The following HLCS variants were observed in gnomAD, a reference collection of about 807,000 sequenced individuals.
The protein encoded by HLCS is biotin--protein ligase.
HLCS carries 53 observed loss-of-function variants against 75.0 expected under a neutral mutation model. The ratio of observed to expected loss-of-function variants is 0.71; its 90% CI spans 0.57 to 0.89. The LOEUF (loss-of-function observed/expected upper bound fraction) is 0.89, where lower values mean the gene tolerates loss of function less well. HLCS is among the 40% of genes least tolerant of loss of function. The probability of loss-of-function intolerance (pLI) is 0.00; values close to 1 mark genes in which losing one functional copy is unlikely to be tolerated. For synonymous variants in HLCS, 431 were observed against 428.6 expected, an observed-to-expected ratio of 1.01 and a Z score of -0.07; for missense variants, 966 against 1,074.0, an observed-to-expected ratio of 0.90 and a Z score of 1.41.
intron 5 of HLCS, among the ~76,000 whole-genome samples, chr21:36,918,411 C>T (rs904222869): frequency 3.9e-5 from 6 of 152,150 alleles, no homozygotes; most frequent in East Asian, 1.9e-4. Flanking sequence ...AAGAAGGAGA[C>T]GCCATCAGCT....
chr21:36,860,153 G>A (rs1436082922), intron 6 of HLCS, among the ~76,000 whole-genome samples: 2 of 152,184 alleles, frequency 1.3e-5, no homozygotes, highest in Non-Finnish European at 2.9e-5. Context: ...GCTTTGGTGT[G>A]TCTAATATAG....
intron 6 of HLCS, among the ~76,000 whole-genome samples, chr21:36,880,212 C>T (rs540144434): frequency 1.4e-4 from 21 of 152,244 alleles, no homozygotes; most frequent in Admixed American, 3.9e-4. Context: ...AATCTTACAA[C>T]GGTGCTCTAT....
At chr21:36,945,109 G>C (rs1449448121) in intron 2 of HLCS, among the ~76,000 whole-genome samples, 1 of 152,056 alleles carries the variant, frequency 6.6e-6, no homozygotes, top group Non-Finnish European at 1.5e-5. Context: ...AACAGAGCGA[G>C]ACTCTATCTC....
chr21:36,902,040 C>T (rs1169633500), intron 5 of HLCS, among the ~76,000 whole-genome samples: 1 of 152,072 alleles, frequency 6.6e-6, no homozygotes, highest in East Asian at 1.9e-4. Flanking sequence ...GATGACAGTG[C>T]CGTGGGGAGA....
At chr21:36,916,187 G>A (rs1008438412) in intron 5 of HLCS, among the ~76,000 whole-genome samples, 11 of 151,996 alleles carry the variant, frequency 7.2e-5, no homozygotes, top group East Asian at 3.9e-4. Flanking sequence ...TCCAAGTCAC[G>A]ATACTTGGGT....
At chr21:36,833,989 G>A (rs991798119) in intron 6 of HLCS, among the ~76,000 whole-genome samples, 12 of 152,222 alleles carry the variant, frequency 7.9e-5, no homozygotes, top group African/African-American at 2.4e-4. Context: ...CCACTTATAC[G>A]TGGATTCTTT....
intron 5 of HLCS, among the ~76,000 whole-genome samples, chr21:36,904,615 C>T (rs2065374233): frequency 6.6e-6 from 1 of 152,168 alleles, no homozygotes; most frequent in Admixed American, 6.5e-5. Flanking sequence ...CCATAGGAAG[C>T]ATTTAGCCTC....
chr21:36,756,417 C>G (rs1179121311), intron 10 of HLCS, 125 bp downstream of exon 10: 3 of 655,960 alleles, frequency 4.6e-6, no homozygotes, highest in East Asian at 7.5e-5. Flanking sequence ...TGCCACTGCA[C>G]TCCAGCCTGG....
chr21:36,767,224 C>T lies in HLCS; in HGVS notation c.1954G>A (p.Gly652Ser), dbSNP rs1555885056. The T allele has an allele frequency of 6.2e-7, 1 of 1,614,126 alleles. No individual in the cohort carries two copies. The highest frequency in any genetic ancestry group is 8.5e-7 in the Non-Finnish European group (1 of 1,179,988). Residue 652 changes from glycine to serine, a missense_variant, in exon 7 of 11, where the codon GGC becomes AGC. Gly to Ser is a moderately conservative substitution (Grantham distance 56). Transcript: ENST00000674895. ...LIVIAARQTE[G>S]KGRGGNVWLS... ...ATCACAAAAGATGACTGACCTTTGC[C>T]CTCGGTCTGCCGGGCCGCGATCACT... is the stretch of plus-strand genomic sequence containing the variant.
At chr21:36,943,680 G>A (rs2067250601) in intron 2 of HLCS, among the ~76,000 whole-genome samples, 1 of 152,030 alleles carries the variant, frequency 6.6e-6, no homozygotes, top group Non-Finnish European at 1.5e-5. Flanking sequence ...GGAGCCAGGT[G>A]TGTTGATGGG....
At chr21:36,829,368 C>T (rs778870450) in intron 6 of HLCS, among the ~76,000 whole-genome samples, 6 of 152,162 alleles carry the variant, frequency 3.9e-5, no homozygotes, top group Non-Finnish European at 8.8e-5. Context: ...TCAGTAGCAA[C>T]TGTTATCTTT....
At chr21:36,981,583 A>G (rs1321910502) in intron 1 of HLCS, among the ~76,000 whole-genome samples, 1 of 151,918 alleles carries the variant, frequency 6.6e-6, no homozygotes, top group Admixed American at 6.6e-5. Context: ...TATTTTTAGT[A>G]GAGACAGTGT....
chr21:36,857,620 C>T (rs778168713), intron 6 of HLCS, among the ~76,000 whole-genome samples: 2 of 152,268 alleles, frequency 1.3e-5, no homozygotes, highest in East Asian at 1.9e-4. Context: ...CCAGGGCCCT[C>T]GCTGGGGCTC....
At chr21:36,847,636 G>T (rs888704452) in intron 6 of HLCS, among the ~76,000 whole-genome samples, 6 of 152,222 alleles carry the variant, frequency 3.9e-5, no homozygotes, top group African/African-American at 1.4e-4. Context: ...ACTCCAAAGA[G>T]TTGGGCTATC....
intron 6 of HLCS, among the ~76,000 whole-genome samples, chr21:36,818,843 C>T (rs994421337): frequency 1.3e-5 from 2 of 152,100 alleles, no homozygotes; most frequent in Non-Finnish European, 2.9e-5. Flanking sequence ...CTGCAGCTAT[C>T]CTTACAGGCG....
chr21:36,823,610 G>GGTGTGT lies in HLCS; in HGVS notation c.1893-56331_1893-56326dup, dbSNP rs59724760. Among the ~76,000 whole-genome samples, 852 of 132,822 alleles carry GGTGTGT rather than the reference G, an allele frequency of 6.4e-3. 11 individuals are homozygous for GGTGTGT. Among genetic ancestry groups the GGTGTGT allele is most frequent in the African/African-American group, 0.015 (533 of 35,884 alleles). 87.1% of individuals were successfully genotyped at this position (132,822 alleles called of 152,430 possible). On this transcript the variant is annotated intron_variant, in intron 6 of 10. Coordinates refer to ENST00000674895, the MANE Select transcript of HLCS (RefSeq NM_001352514.2). ...CCATTTACCAGCTTCAAACGTGCAG[G>GGTGTGT]GTGTGTGTGTGTGTGTGTGTGTGTG...
At chr21:36,973,435 A>C (rs2146716309) in intron 1 of HLCS, among the ~76,000 whole-genome samples, 1 of 152,266 alleles carries the variant, frequency 6.6e-6, no homozygotes, top group Admixed American at 6.5e-5. Context: ...AATATGAAAA[A>C]GTATGCAGTC....
At chr21:36,956,226 G>T (rs999839283) in intron 2 of HLCS, among the ~76,000 whole-genome samples, 3 of 152,076 alleles carry the variant, frequency 2.0e-5, no homozygotes, top group Non-Finnish European at 4.4e-5. Flanking sequence ...CATGAGGAAG[G>T]AGCAGGAGCA....
intron 6 of HLCS, among the ~76,000 whole-genome samples, chr21:36,891,431 C>T (rs2064780311): frequency 6.6e-6 from 1 of 152,196 alleles, no homozygotes; most frequent in Admixed American, 6.5e-5. Context: ...GAACCGGTAC[C>T]TGAACCGGGG....
Sources: allele counts gnomAD v4.1 joint callset (sites outside exome capture counted in the v4.1 genomes callset), GRCh38; gene constraint gnomAD v4.1.1; transcripts MANE v1.5; gene names NCBI Gene and HGNC (gene_info 2026-07-23, HGNC 2026-07-21).